Variants in ANK3 observed in about 807,000 individuals in gnomAD.
ANK3 encodes the protein ankyrin 3.
Under a neutral mutation model 370.9 loss-of-function variants are expected in ANK3, and 57 were observed. The ratio of observed to expected loss-of-function variants is 0.15; its 90% CI spans 0.12 to 0.19. The LOEUF is 0.19. Among genes scored for constraint, ANK3 ranks in the 10% least tolerant of loss-of-function variants. The probability of loss-of-function intolerance (pLI) is 1.00; values close to 1 mark genes in which losing one functional copy is unlikely to be tolerated. For synonymous variants in ANK3, 1,929 were observed against 1,946.3 expected (o/e 0.99, Z 0.23); for missense variants, 4,439 against 5,302.1 (o/e 0.84, Z 5.06).
chr10:60,660,844 A>G (rs1236769062), intron 1 of ANK3, among the ~76,000 whole-genome samples: 1 of 152,106 alleles, frequency 6.6e-6, no homozygotes, highest in African/African-American at 2.4e-5. Context: ...CAGTCATCTC[A>G]GGAATCAAGA....
intron 1 of ANK3, among the ~76,000 whole-genome samples, chr10:60,711,757 A>G (rs1452942951): frequency 1.3e-5 from 2 of 152,214 alleles, no homozygotes; most frequent in African/African-American, 4.8e-5. Context: ...ATACCAAAAA[A>G]TCTACATCTA....
chr10:60,650,113 A>G (rs1365228127), intron 1 of ANK3, among the ~76,000 whole-genome samples: 2 of 152,226 alleles, frequency 1.3e-5, no homozygotes, highest in Non-Finnish European at 2.9e-5. Context: ...TCATCGAGTT[A>G]TCTGTTACAC....
At chr10:60,351,894 C>T (rs1024341402) in intron 1 of ANK3, among the ~76,000 whole-genome samples, 1 of 151,622 alleles carries the variant, frequency 6.6e-6, no homozygotes, top group Non-Finnish European at 1.5e-5. Context: ...GATAACAATG[C>T]ATTAAAAAGA....
Position 60,641,385 on chromosome 10 carries a change from A to T in ANK3, c.58-26161T>A, listed in dbSNP as rs556397418. ...ACGCTACCCGACTTCAAACTGTACT[A>T]CAAGGCTACAGTAACCAAAACAGCA... On this transcript the variant is annotated intron_variant, in intron 1 of 43. Transcript: ENST00000373827. 5.7e-3 allele frequency among the ~76,000 whole-genome samples: 861 copies of T among 152,270 alleles called. 6 individuals are homozygous for T. Among genetic ancestry groups the T allele is most frequent in the Admixed American group, 8.2e-3 (126 of 15,286 alleles).
chr10:60,216,374 C>T (rs1372508330), intron 8 of ANK3, among the ~76,000 whole-genome samples: 1 of 152,114 alleles, frequency 6.6e-6, no homozygotes, highest in Non-Finnish European at 1.5e-5. Flanking sequence ...AGCTTATGCC[C>T]ATTCAATAAT....
At chr10:60,491,288 A>G (rs188590938) in intron 2 of ANK3, among the ~76,000 whole-genome samples, 3 of 152,332 alleles carry the variant, frequency 2.0e-5, no homozygotes, top group African/African-American at 7.2e-5. Context: ...AGAAACATAT[A>G]AAGTGAGGGA....
At chr10:60,226,537 CATAGTAT>C (rs1317602376) in intron 8 of ANK3, among the ~76,000 whole-genome samples, 3 of 44,878 alleles carry the variant, frequency 6.7e-5, no homozygotes, top group Non-Finnish European at 1.1e-4. Flanking sequence ...AGTATATATA[CATAGTAT>C]ATATACTATA....
intron 4 of ANK3, among the ~76,000 whole-genome samples, chr10:60,278,222 A>T (rs2098117204): frequency 6.6e-6 from 1 of 152,222 alleles, no homozygotes; most frequent in Non-Finnish European, 1.5e-5. Context: ...AACCTAAGCT[A>T]GCATCATAAA....
chr10:60,213,057 T>C (rs557441716), intron 9 of ANK3, among the ~76,000 whole-genome samples: 14 of 152,210 alleles, frequency 9.2e-5, no homozygotes, highest in African/African-American at 3.1e-4. Flanking sequence ...AGAAGTAAGC[T>C]GAGGTGCTGA....
At chr10:60,068,041 C>T (rs1452594222) in intron 37 of ANK3, 32 bp from the exon 38 acceptor site, 1 of 1,581,488 alleles carries the variant, frequency 6.3e-7, no homozygotes, top group Non-Finnish European at 8.7e-7. Flanking sequence ...TTAAAATAAT[C>T]ATCAAGAAAG....
chr10:60,677,024 T>C (rs1265888016), intron 1 of ANK3, among the ~76,000 whole-genome samples: 1 of 152,234 alleles, frequency 6.6e-6, no homozygotes, highest in African/African-American at 2.4e-5. Flanking sequence ...AATTATTATG[T>C]ACCAATTTTA....
Position 60,080,535 on chromosome 10 carries a change from A to C in ANK3, c.4432+2T>G, listed in dbSNP as rs772018437. On this transcript the variant is annotated splice_donor_variant, in intron 36 of 43. Transcript: ENST00000280772. LOFTEE classifies it high-confidence loss of function. ...GATTAGTAAATGTGTTAGGAAACTCACTCATTCCAGGCTCAGTCAAGTAGC... is the reference window on the plus strand; with the variant it reads ...GATTAGTAAATGTGTTAGGAAACTCCCTCATTCCAGGCTCAGTCAAGTAGC... The C allele has an allele frequency of 6.2e-7, 1 of 1,611,320 alleles. No individual in the cohort carries two copies. Among genetic ancestry groups the C allele is most frequent in the Middle Eastern group, 1.7e-4 (1 of 6,058 alleles).
chr10:60,444,684 G>A (rs1382785495), intron 2 of ANK3, among the ~76,000 whole-genome samples: 1 of 151,974 alleles, frequency 6.6e-6, no homozygotes, highest in African/African-American at 2.4e-5. Flanking sequence ...AGAGGGAGTG[G>A]TTGATCTTTT....
intron 17 of ANK3, 98 bp downstream of exon 17, chr10:60,186,617 A>G (rs1268002042): frequency 1.3e-5 from 16 of 1,267,578 alleles, no homozygotes; most frequent in Non-Finnish European, 1.8e-5. Flanking sequence ...CACTTTACAC[A>G]TCCTATTTGA....
chr10:60,390,664 C>T (rs1454076965), upstream of ANK3, among the ~76,000 whole-genome samples: 1 of 151,188 alleles, frequency 6.6e-6, no homozygotes, highest in Non-Finnish European at 1.5e-5. Context: ...ACAGTAAGCG[C>T]TTTAGCAAGA....
chr10:60,309,588 T>A (rs1551685), intron 1 of ANK3, among the ~76,000 whole-genome samples: 88,378 of 152,012 alleles, frequency 0.58, 26,274 homozygotes, highest in South Asian at 0.78. Flanking sequence ...CAGGGGGGTG[T>A]TCTGAAACTA....
chr10:60,703,902 TC>T (rs1257178198), intron 1 of ANK3, among the ~76,000 whole-genome samples: 1 of 152,154 alleles, frequency 6.6e-6, no homozygotes, highest in Non-Finnish European at 1.5e-5. Flanking sequence ...CAGAACCGTC[TC>T]CTTGAATTGG....
At chr10:60,309,884 A>G (rs915394638) in intron 1 of ANK3, among the ~76,000 whole-genome samples, 1 of 151,522 alleles carries the variant, frequency 6.6e-6, no homozygotes. Context: ...TTTATCAGGC[A>G]TATATCAGTG....
intron 1 of ANK3, among the ~76,000 whole-genome samples, chr10:60,303,251 A>G (rs2044232415): frequency 6.6e-6 from 1 of 152,232 alleles, no homozygotes; most frequent in South Asian, 2.1e-4. Flanking sequence ...TAAAGAAAAC[A>G]ATCAACGAAA....
Sources: allele counts gnomAD v4.1 joint callset (sites outside exome capture counted in the v4.1 genomes callset), GRCh38; gene constraint gnomAD v4.1.1; transcripts MANE v1.5; gene names NCBI Gene and HGNC (gene_info 2026-07-23, HGNC 2026-07-21).